Variants in PTPRZ1 observed in about 807,000 individuals in gnomAD.
PTPRZ1 encodes the protein protein tyrosine phosphatase receptor type Z1, also known as receptor-type tyrosine-protein phosphatase zeta.
In PTPRZ1, 82 loss-of-function variants were observed where a neutral mutation model predicts 214.1. The observed-to-expected ratio is 0.38, with a 90% CI of 0.32 to 0.46. The LOEUF is 0.46. Ranked by LOEUF, PTPRZ1 falls within the 20% of genes least tolerant of loss-of-function variation. PTPRZ1 has a pLI of 1.00. For missense variants in PTPRZ1, 2,603 were observed against 2,748.7 expected (o/e 0.95, Z 1.19); for synonymous variants, 945 against 987.9 (o/e 0.96, Z 0.81).
intron 1 of PTPRZ1, among the ~76,000 whole-genome samples, chr7:121,879,235 T>C (rs970092279): frequency 1.3e-5 from 2 of 152,012 alleles, no homozygotes; most frequent in Admixed American, 1.3e-4. Flanking sequence ...TCTAGAGGAG[T>C]TGGCACCAAT....
chr7:121,908,445 C>A, intron 1 of PTPRZ1: 1 of 395,218 alleles, frequency 2.5e-6, no homozygotes, highest in Non-Finnish European at 4.9e-6. Context: ...ACTAATGTAT[C>A]CAACTTTTAT....
chr7:121,972,506 C>T (rs1186629171), intron 3 of PTPRZ1, 35 bp from the exon 4 acceptor site: 1 of 1,524,434 alleles, frequency 6.6e-7, no homozygotes, highest in Non-Finnish European at 8.8e-7. Context: ...TTTTGATTTT[C>T]AGAAGCTTAG....
At chr7:122,041,327 C>G (rs1269655360) in intron 21 of PTPRZ1, among the ~76,000 whole-genome samples, 1 of 148,006 alleles carries the variant, frequency 6.8e-6, no homozygotes, top group Non-Finnish European at 1.5e-5. Flanking sequence ...AATGCTTGAG[C>G]TACAACCCCT....
At chr7:122,031,376 C>T (rs2116724371) in intron 14 of PTPRZ1, 98 bp from the exon 15 acceptor site, 1 of 817,476 alleles carries the variant, frequency 1.2e-6, no homozygotes, top group South Asian at 1.6e-5. Context: ...TAGAATTATA[C>T]AAATAATTGA....
intron 27 of PTPRZ1, among the ~76,000 whole-genome samples, chr7:122,058,556 G>C (rs1014469396): frequency 1.3e-5 from 2 of 152,062 alleles, no homozygotes; most frequent in Admixed American, 6.6e-5. Context: ...CCCACAGATA[G>C]AGTTTATTTT....
chr7:121,992,170 G>A (rs527537424), intron 8 of PTPRZ1, among the ~76,000 whole-genome samples: 13 of 152,158 alleles, frequency 8.5e-5, no homozygotes, highest in South Asian at 4.2e-4. Context: ...CTGCCATTTC[G>A]TATCAATCCA....
At chr7:121,918,141 G>T (rs749131576) in intron 1 of PTPRZ1, among the ~76,000 whole-genome samples, 12 of 152,046 alleles carry the variant, frequency 7.9e-5, no homozygotes, top group Non-Finnish European at 1.5e-4. Flanking sequence ...AGACATAAGT[G>T]CACAGTGAAT....
chr7:121,955,346 G>T (rs909617589), intron 2 of PTPRZ1, among the ~76,000 whole-genome samples: 4 of 152,222 alleles, frequency 2.6e-5, no homozygotes, highest in African/African-American at 9.6e-5. Flanking sequence ...GAGGGCTTAT[G>T]ATGACCCTAA....
At chr7:121,926,606 A>C (rs1795771774) in intron 1 of PTPRZ1, among the ~76,000 whole-genome samples, 1 of 152,182 alleles carries the variant, frequency 6.6e-6, no homozygotes, top group South Asian at 2.1e-4. Context: ...AGTCAAATCT[A>C]TATAGTCAAA....
rs751526078 is a variant in PTPRZ1 at position 122,011,575 on chromosome 7, A to T, written c.2529A>T (p.Pro843=). The part of the protein sequence containing the change: ...RHLHTVSQIL[P]QVTSATESDK... ...TGCATACAGTTTCTCAAATCCTTCC[A>T]CAAGTTACTTCAGCTACCGAGAGTG... Residue 843 remains proline (P), a synonymous_variant, in exon 12 of 30, where the codon CCA becomes CCT. Transcript: ENST00000393386. 5.0e-6 allele frequency: 8 copies of T among 1,613,868 alleles called. No homozygotes were observed. Among genetic ancestry groups the T allele is most frequent in the Non-Finnish European group, 5.9e-6 (7 of 1,179,950 alleles).
chr7:121,918,054 A>C (rs727768), intron 1 of PTPRZ1, among the ~76,000 whole-genome samples: 103,631 of 151,882 alleles, frequency 0.68, 36,826 homozygotes, highest in African/African-American at 0.89. Flanking sequence ...CTAAAAAAAA[A>C]AAAAAAAGGA....
In PTPRZ1 at chr7:122,012,776, T is replaced by C. The variant is rs745565944; in HGVS notation, c.3730T>C (p.Phe1244Leu). Residue 1244 changes from phenylalanine to leucine, a missense_variant, in exon 12 of 30, where the codon TTT becomes CTT. By Grantham distance (22) the Phe-to-Leu change is conservative. Transcript: ENST00000393386. ...GCTGCACTCTACATCTGTACCAGTT[T>C]TTGATGTGTCGCCTACTTCTCATAT... ...NMLHSTSVPV[F>L]DVSPTSHMHS... 3.7e-6 allele frequency: 6 copies of C among 1,611,898 alleles called. No individual in the cohort carries two copies. The highest frequency in any genetic ancestry group is 4.2e-6 in the Non-Finnish European group (5 of 1,177,992).
chr7:121,916,711 A>G (rs540586572), intron 1 of PTPRZ1, among the ~76,000 whole-genome samples: 8 of 152,320 alleles, frequency 5.3e-5, no homozygotes, highest in African/African-American at 1.9e-4. Flanking sequence ...AGTACATTCA[A>G]ATTTCAGGCA....
intron 1 of PTPRZ1, among the ~76,000 whole-genome samples, chr7:121,874,410 C>CT (rs1174548181): frequency 6.6e-6 from 1 of 152,076 alleles, no homozygotes; most frequent in African/African-American, 2.4e-5. Context: ...TAAAGAAATG[C>CT]TTTTTTTCCT....
At chr7:121,992,999 G>T (rs1448876564) in intron 8 of PTPRZ1, among the ~76,000 whole-genome samples, 1 of 152,164 alleles carries the variant, frequency 6.6e-6, no homozygotes. Flanking sequence ...TTCTTAGCCA[G>T]TGTGCCCTGA....
At chr7:122,030,040 A>G (rs1217953294) in intron 14 of PTPRZ1, among the ~76,000 whole-genome samples, 1 of 151,816 alleles carries the variant, frequency 6.6e-6, no homozygotes, top group African/African-American at 2.4e-5. Flanking sequence ...CAGCATGGGT[A>G]TGCAGATTAA....
Position 121,967,948 on chromosome 7 carries a change from T to TAGGAGCACTGAATCAAAAAAATTGGGG in PTPRZ1, c.125-1_150dup. ...TAAATTTCTTACTCCTTCTTTTCCC[T>TAGGAGCACTGAATCAAAAAAATTGGGG]AGGAGCACTGAATCAAAAAAATTGG... On this transcript the variant is annotated splice_polypyrimidine_tract_variant and splice_region_variant and intron_variant, in intron 2 of 29. Transcript: ENST00000393386. The TAGGAGCACTGAATCAAAAAAATTGGGG allele has an allele frequency of 6.4e-7, 1 of 1,554,390 alleles. No individual in the cohort carries two copies. Among genetic ancestry groups the TAGGAGCACTGAATCAAAAAAATTGGGG allele is most frequent in the Non-Finnish European group, 8.8e-7 (1 of 1,136,182 alleles).
intron 2 of PTPRZ1, among the ~76,000 whole-genome samples, chr7:121,951,382 G>A (rs542318860): frequency 2.0e-5 from 3 of 152,180 alleles, no homozygotes; most frequent in Admixed American, 2.0e-4. Flanking sequence ...TTTGAGTAGT[G>A]AAAAAGAGTG....
chr7:122,057,358 T>C (rs986447770), intron 27 of PTPRZ1, among the ~76,000 whole-genome samples: 1 of 151,886 alleles, frequency 6.6e-6, no homozygotes, highest in Admixed American at 6.6e-5. Context: ...TCAACATAAC[T>C]TTACATTTTT....
Sources: allele counts gnomAD v4.1 joint callset (sites outside exome capture counted in the v4.1 genomes callset), GRCh38; gene constraint gnomAD v4.1.1; transcripts MANE v1.5; gene names NCBI Gene and HGNC (gene_info 2026-07-23, HGNC 2026-07-21).